PREX1: variants seen among roughly 807,000 people sequenced by gnomAD.
PREX1 encodes phosphatidylinositol 3,4,5-trisphosphate-dependent Rac exchanger 1 protein.
PREX1 carries 41 observed loss-of-function variants against 198.3 expected under a neutral mutation model. That is an observed-to-expected ratio of 0.21 (90% CI 0.16 to 0.27). The LOEUF (loss-of-function observed/expected upper bound fraction) is 0.27, where lower values mean the gene tolerates loss of function less well. Among genes scored for constraint, PREX1 ranks in the 10% least tolerant of loss-of-function variants. The pLI is 1.00. For missense variants in PREX1, 1,620 were observed against 2,200.7 expected, an observed-to-expected ratio of 0.74 and a Z score of 5.28; for synonymous variants, 843 against 887.2, an observed-to-expected ratio of 0.95 and a Z score of 0.89.
intron 27 of PREX1, among the ~76,000 whole-genome samples, chr20:48,643,158 G>A (rs1160611355): frequency 2.0e-5 from 3 of 152,178 alleles, no homozygotes; most frequent in Non-Finnish European, 4.4e-5. Context: ...CTGCTTTAAA[G>A]TCTGAAGTAA....
intron 1 of PREX1, among the ~76,000 whole-genome samples, chr20:48,748,129 G>A (rs376713601): frequency 2.6e-5 from 4 of 152,280 alleles, no homozygotes; most frequent in East Asian, 1.9e-4. Flanking sequence ...ACTGGGCCCT[G>A]AAGATACAGC....
intron 14 of PREX1, among the ~76,000 whole-genome samples, chr20:48,675,274 A>ATGC (rs2089700369): frequency 6.6e-6 from 1 of 152,248 alleles, no homozygotes; most frequent in African/African-American, 2.4e-5. Context: ...TTGGAAACAG[A>ATGC]CGGCAGCCTT....
In PREX1 at chr20:48,642,497, G is replaced by T. The variant is rs778807389; in HGVS notation, c.3602-8C>A. 1.2e-6 allele frequency: 2 copies of T among 1,607,948 alleles called. No homozygotes were observed. Among genetic ancestry groups the T allele is most frequent in the Non-Finnish European group, 1.7e-6 (2 of 1,175,864 alleles). ...CACAGGGCAGCTCATCTCCTGGCAG[G>T]AGGTAGAAGCAGCAGCCATCAGTCA... On this transcript the variant is annotated splice_region_variant and splice_polypyrimidine_tract_variant and intron_variant, in intron 27 of 39. Coordinates refer to ENST00000371941, the MANE Select transcript of PREX1 (RefSeq NM_020820.4).
intron 1 of PREX1, among the ~76,000 whole-genome samples, chr20:48,766,811 T>C (rs2090210214): frequency 6.6e-6 from 1 of 152,236 alleles, no homozygotes; most frequent in African/African-American, 2.4e-5. Flanking sequence ...ATGCTCATTC[T>C]TGGTGAGTGA....
chr20:48,721,967 G>A (rs954677480), intron 5 of PREX1, among the ~76,000 whole-genome samples: 1 of 152,128 alleles, frequency 6.6e-6, no homozygotes, highest in Non-Finnish European at 1.5e-5. Flanking sequence ...GGGGATGGAG[G>A]GGGTGGTGGG....
intron 5 of PREX1, among the ~76,000 whole-genome samples, chr20:48,712,230 C>T (rs141041407): frequency 4.6e-5 from 7 of 152,324 alleles, no homozygotes; most frequent in Admixed American, 1.3e-4. Flanking sequence ...ACTATCCCCA[C>T]TTGACAGATG....
chr20:48,866,274 T>G, the PREX1 span, among the ~76,000 whole-genome samples: 6,499 of 152,260 alleles, frequency 0.043, 469 homozygotes, highest in African/African-American at 0.15. Context: ...GGGTAGCAGG[T>G]CCAAATCAAA....
chr20:48,836,795 A>T, the PREX1 span, among the ~76,000 whole-genome samples: 1 of 150,946 alleles, frequency 6.6e-6, no homozygotes, highest in South Asian at 2.1e-4. Flanking sequence ...CACACTTGTA[A>T]TCCCCACTAC....
chr20:48,641,258 A>T (rs1002426526), intron 29 of PREX1, among the ~76,000 whole-genome samples: 1 of 152,224 alleles, frequency 6.6e-6, no homozygotes, highest in Non-Finnish European at 1.5e-5. Context: ...TTAAATGAAG[A>T]ACAAAGAGCC....
chr20:48,659,262 A>AAGGAAGGAAGGACGGAAGGAAGGAAGGG (rs143111463), intron 16 of PREX1, among the ~76,000 whole-genome samples: 1 of 134,416 alleles, frequency 7.4e-6, no homozygotes, highest in Non-Finnish European at 1.6e-5. Flanking sequence ...GGAAGGAAGG[A>AAGGAAGGAAGGACGGAAGGAAGGAAGGG]CGGGCACGAG....
At chr20:48,844,358 A>G in the PREX1 span, among the ~76,000 whole-genome samples, 1 of 152,128 alleles carries the variant, frequency 6.6e-6, no homozygotes, top group Non-Finnish European at 1.5e-5. Context: ...TGAAGACACC[A>G]TTGGTTGCAA....
chr20:48,697,377 T>C (rs925458774), intron 7 of PREX1, among the ~76,000 whole-genome samples: 1 of 124,700 alleles, frequency 8.0e-6, no homozygotes. Flanking sequence ...TGTTCTTTTT[T>C]TCTTTTCTTT....
intron 1 of PREX1, among the ~76,000 whole-genome samples, chr20:48,789,972 C>T (rs958622996): frequency 3.3e-5 from 5 of 151,962 alleles, no homozygotes; most frequent in Admixed American, 1.3e-4. Context: ...GGGCCTGGCA[C>T]GTAGTAGGTG....
intron 1 of PREX1, among the ~76,000 whole-genome samples, chr20:48,753,560 G>A (rs2090143396): frequency 6.6e-6 from 1 of 152,194 alleles, no homozygotes. Flanking sequence ...GCAAACAACA[G>A]TGACAAGGTC....
In PREX1 at chr20:48,691,264, G is replaced by A. The variant is rs1053286114; in HGVS notation, c.1037-168C>T. 2.0e-5 allele frequency among the ~76,000 whole-genome samples: 3 copies of A among 152,140 alleles called. No individual in the cohort carries two copies. The highest frequency in any genetic ancestry group is 2.9e-5 in the Non-Finnish European group (2 of 68,018). ...CGCTCACTTCTTATCCTTTTCCAGT[G>A]GGCAAGGAAGACCTTCTGCAAACAA... On this transcript the variant is annotated intron_variant, in intron 8 of 39. Coordinates refer to ENST00000371941, the MANE Select transcript of PREX1 (RefSeq NM_020820.4). The surrounding 1 kb of genome is among the most constrained non-coding windows in gnomAD (Gnocchi z 5.0).
At chr20:48,872,275 G>GT in the PREX1 span, among the ~76,000 whole-genome samples, 46 of 151,808 alleles carry the variant, frequency 3.0e-4, no homozygotes, top group African/African-American at 9.0e-4. Flanking sequence ...CCATGTTGTG[G>GT]TTTTTTTTCA....
At chr20:48,710,198 G>A (rs2089924134) in intron 5 of PREX1, among the ~76,000 whole-genome samples, 1 of 152,210 alleles carries the variant, frequency 6.6e-6, no homozygotes, top group African/African-American at 2.4e-5. Flanking sequence ...AAGGCTTCAG[G>A]AGGAAGCAAC....
At chr20:48,806,842 G>C (rs2090413968) in intron 1 of PREX1, among the ~76,000 whole-genome samples, 1 of 152,236 alleles carries the variant, frequency 6.6e-6, no homozygotes, top group Admixed American at 6.5e-5. Flanking sequence ...ACAGCAGGCA[G>C]AAGGTGAAGA....
chr20:48,641,238 A>G (rs1375413086), intron 29 of PREX1, among the ~76,000 whole-genome samples: 3 of 152,246 alleles, frequency 2.0e-5, no homozygotes, highest in African/African-American at 7.2e-5. Flanking sequence ...TTAATTCACA[A>G]ATCCCTCTCT....
Sources: allele counts gnomAD v4.1 joint callset (sites outside exome capture counted in the v4.1 genomes callset), GRCh38; gene constraint gnomAD v4.1.1; non-coding constraint Gnocchi (gnomAD v3.1); transcripts MANE v1.5; gene names NCBI Gene and HGNC (gene_info 2026-07-23, HGNC 2026-07-21).